Variants in RBM6 observed in about 807,000 individuals in gnomAD.
RBM6 encodes the protein RNA binding motif protein 6.
A neutral mutation model predicts 140.4 loss-of-function variants in RBM6; 23 were observed. The ratio of observed to expected loss-of-function variants is 0.16; its 90% CI spans 0.12 to 0.23. The LOEUF (loss-of-function observed/expected upper bound fraction) is 0.23. Among genes scored for constraint, RBM6 ranks in the 10% least tolerant of loss-of-function variants. The pLI is 1.00. For missense variants in RBM6, 1,139 were observed against 1,386.7 expected, an observed-to-expected ratio of 0.82 and a Z score of 2.84; for synonymous variants, 439 against 475.6, an observed-to-expected ratio of 0.92 and a Z score of 1.00.
At chr3:49,997,950 GGTTA>G (rs1272720453) in intron 5 of RBM6, among the ~76,000 whole-genome samples, 4 of 152,090 alleles carry the variant, frequency 2.6e-5, no homozygotes, top group African/African-American at 7.2e-5. Flanking sequence ...AGTTTGGAGG[GGTTA>G]GTTTTAATCC....
chr3:49,973,694 T>TGAA (rs760691745), intron 4 of RBM6, among the ~76,000 whole-genome samples: 11,665 of 149,350 alleles, frequency 0.078, 517 homozygotes, highest in African/African-American at 0.1. Context: ...CAAGAGATTC[T>TGAA]CCTGCCTCAG....
chr3:49,943,368 T>A (rs987157110), intron 1 of RBM6, among the ~76,000 whole-genome samples: 2 of 152,074 alleles, frequency 1.3e-5, no homozygotes, highest in Non-Finnish European at 2.9e-5. Flanking sequence ...AGTGGCACAG[T>A]CATGGCTCAC....
chr3:50,051,273 G>A (rs560060282), intron 7 of RBM6, among the ~76,000 whole-genome samples: 3 of 152,296 alleles, frequency 2.0e-5, no homozygotes, highest in South Asian at 4.2e-4. Flanking sequence ...CCAGGAGGTC[G>A]AGGCATCAGT....
chr3:50,072,626 T>A (rs2090340925), intron 19 of RBM6, among the ~76,000 whole-genome samples: 1 of 152,068 alleles, frequency 6.6e-6, no homozygotes, highest in South Asian at 2.1e-4. Flanking sequence ...ACTGAAAAAG[T>A]TTTCATCTAA....
chr3:49,948,938 C>T (rs1338722002), intron 1 of RBM6, among the ~76,000 whole-genome samples: 5 of 143,880 alleles, frequency 3.5e-5, no homozygotes, highest in African/African-American at 1.3e-4. Flanking sequence ...TCAAGCAATT[C>T]TCCTGCCTCA....
intron 2 of RBM6, among the ~76,000 whole-genome samples, chr3:49,966,381 C>T (rs2084519148): frequency 6.6e-6 from 1 of 152,154 alleles, no homozygotes; most frequent in African/African-American, 2.4e-5. Flanking sequence ...GTCTCCCTGC[C>T]TAGGATCCTA....
rs368052154 is a variant in RBM6 at position 49,967,718 on chromosome 3, G to C, written c.293G>C (p.Gly98Ala). 9.9e-6 allele frequency: 16 copies of C among 1,614,018 alleles called. No homozygotes were observed. The highest frequency in any genetic ancestry group is 2.7e-5 in the African/African-American group (2 of 74,912). ...GGACCTGGACATGATTTCAGGGGGG[G>C]AGATTTTTCGTCTTCTGATTTCCAG... Reference protein sequence around the residue: ...GEGPGHDFRGGDFSSSDFQSR... With the variant: ...GEGPGHDFRGADFSSSDFQSR... Residue 98 changes from glycine to alanine, a missense_variant, in exon 3 of 21, where the codon GGA (glycine) becomes GCA (alanine). Transcript: ENST00000266022. This position sits in a 1 kb window ranked among gnomAD's most constrained non-coding sequence, Gnocchi z 4.0.
At chr3:49,952,521 A>G (rs541755977) in intron 1 of RBM6, among the ~76,000 whole-genome samples, 56 of 143,596 alleles carry the variant, frequency 3.9e-4, no homozygotes, top group African/African-American at 1.5e-3. Flanking sequence ...TTTTTTTGAG[A>G]CGAAGTTTTG....
Position 50,058,015 on chromosome 3 carries a change from G to A in RBM6, c.1969+12G>A, listed in dbSNP as rs779359738. On this transcript the variant is annotated intron_variant, in intron 9 of 20. Coordinates refer to ENST00000266022, the MANE Select transcript of RBM6 (RefSeq NM_005777.3). ...TGGAGAGAGCAAAAGTAAGTAGTTT[G>A]TCAGGGCACATACCAGACTGTGATC... is the stretch of plus-strand genomic sequence containing the variant. 6.2e-7 allele frequency: 1 copy of A among 1,610,642 alleles called. No individual in the cohort carries two copies. The highest frequency in any genetic ancestry group is 8.5e-7 in the Non-Finnish European group (1 of 1,178,840).
intron 1 of RBM6, among the ~76,000 whole-genome samples, chr3:49,958,938 G>A (rs1201508488): frequency 6.6e-6 from 1 of 151,776 alleles, no homozygotes; most frequent in African/African-American, 2.4e-5. Flanking sequence ...TGGGATTAGG[G>A]GTGCCTGCTA....
chr3:49,968,325 A>T lies in RBM6; in HGVS notation c.900A>T (p.Thr300=). 2 of 1,614,206 alleles carry T rather than the reference A, an allele frequency of 1.2e-6. No individual in the cohort carries two copies. The highest frequency in any genetic ancestry group is 2.2e-5 in the East Asian group (1 of 44,880). ...PNILDYIQPS[T]QDREHSGMNV... ...TTTTGGATTACATTCAGCCCTCTACACAAGATAGAGAACATTCTGGTATGA... is the reference window on the plus strand; with the variant it reads ...TTTTGGATTACATTCAGCCCTCTACTCAAGATAGAGAACATTCTGGTATGA... Residue 300 remains threonine (T), a synonymous_variant, in exon 3 of 21, where the codon ACA becomes ACT. Coordinates refer to ENST00000266022, the MANE Select transcript of RBM6 (RefSeq NM_005777.3).
chr3:50,060,177 G>A (rs1207778668), intron 11 of RBM6, among the ~76,000 whole-genome samples: 1 of 152,124 alleles, frequency 6.6e-6, no homozygotes, highest in Non-Finnish European at 1.5e-5. Flanking sequence ...AAAAAATGAT[G>A]GTACAGTTTT....
intron 6 of RBM6, among the ~76,000 whole-genome samples, 161 bp downstream of exon 6, chr3:49,999,674 T>G (rs1425724697): frequency 6.6e-6 from 1 of 152,002 alleles, no homozygotes; most frequent in Non-Finnish European, 1.5e-5. Flanking sequence ...TTAAAAAGGC[T>G]GGAAAGCTTT....
chr3:50,017,618 A>G (rs1575704382), intron 6 of RBM6, among the ~76,000 whole-genome samples: 1 of 151,950 alleles, frequency 6.6e-6, no homozygotes, highest in East Asian at 1.9e-4. Flanking sequence ...CCATTTTTTA[A>G]TAGGGTTATT....
intron 5 of RBM6, 120 bp from the exon 6 acceptor site, chr3:49,999,320 G>C (rs1431076416): frequency 8.9e-6 from 7 of 784,746 alleles, no homozygotes; most frequent in Non-Finnish European, 1.6e-5. Flanking sequence ...GTGTAGGGGA[G>C]GGAGGGGTTA....
intron 1 of RBM6, among the ~76,000 whole-genome samples, chr3:49,947,081 C>CAAAAAAAAA (rs1186088231): frequency 1.6e-4 from 17 of 105,732 alleles, no homozygotes; most frequent in Non-Finnish European, 2.1e-4. Context: ...ACTAAAAATA[C>CAAAAAAAAA]AAAAAAAAAA....
At chr3:49,962,513 GA>G (rs2084329701) in intron 1 of RBM6, 62 bp from the exon 2 acceptor site, 1 of 771,010 alleles carries the variant, frequency 1.3e-6, no homozygotes, top group South Asian at 1.7e-5. Flanking sequence ...CAAGCAGTGG[GA>G]AACTGGTTTA....
At chr3:50,035,851 C>T (rs2088506690) in intron 6 of RBM6, among the ~76,000 whole-genome samples, 1 of 152,052 alleles carries the variant, frequency 6.6e-6, no homozygotes, top group African/African-American at 2.4e-5. Flanking sequence ...ACCTCCCCTC[C>T]CAGGTTCAAG....
intron 6 of RBM6, among the ~76,000 whole-genome samples, chr3:50,022,007 C>T (rs2087516946): frequency 6.6e-6 from 1 of 150,858 alleles, no homozygotes; most frequent in Admixed American, 6.6e-5. Context: ...TGACCCATGA[C>T]CATGCCACTG....
Sources: gnomAD v4.1 joint callset for allele counts (sites outside exome capture counted in the v4.1 genomes callset) on GRCh38, gnomAD v4.1.1 for gene constraint, Gnocchi (gnomAD v3.1) non-coding constraint, MANE v1.5 for transcripts, NCBI Gene and HGNC (gene_info 2026-07-23, HGNC 2026-07-21) for gene names.